The following FAM3B variants were observed in gnomAD, a reference collection of about 807,000 sequenced individuals.
The protein encoded by FAM3B is FAM3 metabolism regulating signaling molecule B.
In FAM3B, 29 loss-of-function variants were observed where a neutral mutation model predicts 28.4. The ratio of observed to expected loss-of-function variants is 1.02; its 90% CI spans 0.76 to 1.39. The LOEUF (loss-of-function observed/expected upper bound fraction) is 1.39. Among genes scored for constraint, FAM3B ranks in the 40% most tolerant of loss-of-function variants. FAM3B has a pLI of 0.00. For missense variants in FAM3B, 266 were observed against 293.9 expected (o/e 0.91, Z 0.69); for synonymous variants, 91 against 103.0 (o/e 0.88, Z 0.71).
chr21:41,344,059 G>T (rs117006037), intron 3 of FAM3B, among the ~76,000 whole-genome samples: 16,542 of 152,278 alleles, frequency 0.11, 1,113 homozygotes, highest in Non-Finnish European at 0.15. Context: ...GGCAGAGGTT[G>T]CAGTGAGCCA....
chr21:41,317,246 C>T (rs1336215734), intron 1 of FAM3B, among the ~76,000 whole-genome samples: 1 of 151,848 alleles, frequency 6.6e-6, no homozygotes, highest in African/African-American at 2.4e-5. Context: ...AGGCACAGCC[C>T]CGCACCCCCA....
intron 2 of FAM3B, among the ~76,000 whole-genome samples, chr21:41,330,361 A>G (rs903185210): frequency 6.6e-6 from 1 of 152,198 alleles, no homozygotes; most frequent in Non-Finnish European, 1.5e-5. Flanking sequence ...GCTGGTCCCA[A>G]GCATTTTGGA....
intron 4 of FAM3B, among the ~76,000 whole-genome samples, chr21:41,345,286 G>A (rs1362019033): frequency 6.8e-6 from 1 of 146,582 alleles, no homozygotes; most frequent in Non-Finnish European, 1.5e-5. Flanking sequence ...GAGGCGGGTG[G>A]GCCTGGCTGA....
intron 1 of FAM3B, among the ~76,000 whole-genome samples, chr21:41,321,417 T>C (rs2088804289): frequency 6.6e-6 from 1 of 152,184 alleles, no homozygotes; most frequent in African/African-American, 2.4e-5. Context: ...AGCACAACCG[T>C]TGGCGCAGCT....
chr21:41,345,054 G>C (rs2089043516), intron 4 of FAM3B, among the ~76,000 whole-genome samples: 2 of 152,382 alleles, frequency 1.3e-5, no homozygotes, highest in South Asian at 4.1e-4. Context: ...CTGTGAGTGA[G>C]TGGGCCGCAT....
intron 1 of FAM3B, chr21:41,304,457 C>T (rs1314535802): frequency 2.8e-6 from 1 of 359,812 alleles, no homozygotes; most frequent in Non-Finnish European, 5.4e-6. Flanking sequence ...CGTGCCCAGG[C>T]ACCTCCCGTT....
chr21:41,319,066 TA>T (rs942738563), intron 1 of FAM3B, among the ~76,000 whole-genome samples: 31 of 152,114 alleles, frequency 2.0e-4, no homozygotes, highest in African/African-American at 7.5e-4. Context: ...CTAATTTTTT[TA>T]AACTTTTTGT....
intron 1 of FAM3B, 177 bp from the exon 2 acceptor site, chr21:41,322,746 C>G: frequency 2.5e-6 from 2 of 803,736 alleles, no homozygotes; most frequent in South Asian, 2.9e-5. Flanking sequence ...ATACTGTCTA[C>G]TTCAAAGGTC....
At chr21:41,348,532 A>G in intron 6 of FAM3B, 60 bp from the exon 7 acceptor site, 3 of 1,604,252 alleles carry the variant, frequency 1.9e-6, no homozygotes, top group African/African-American at 1.3e-5. Flanking sequence ...TCCAGAGCAG[A>G]GTTCCTCTCC....
chr21:41,347,521 G>A (rs911036603), intron 6 of FAM3B, among the ~76,000 whole-genome samples: 2 of 152,134 alleles, frequency 1.3e-5, no homozygotes, highest in African/African-American at 2.4e-5. Context: ...TTGGGAGACC[G>A]AGGCAGGCGG....
chr21:41,311,349 C>T (rs1289733350), intron 1 of FAM3B, among the ~76,000 whole-genome samples: 2 of 132,104 alleles, frequency 1.5e-5, no homozygotes, highest in Non-Finnish European at 3.1e-5. Context: ...GTGATTCCAG[C>T]TACTCAGGAG....
chr21:41,317,911 G>A (rs1419363581), intron 1 of FAM3B, among the ~76,000 whole-genome samples: 1 of 152,124 alleles, frequency 6.6e-6, no homozygotes, highest in Non-Finnish European at 1.5e-5. Flanking sequence ...AACTATAAAT[G>A]ACACTGTTTT....
At chr21:41,316,984 C>A in intron 1 of FAM3B, 86 bp downstream of exon 1, 2 of 1,161,044 alleles carry the variant, frequency 1.7e-6, no homozygotes, top group South Asian at 3.5e-5. Flanking sequence ...CTGCCTGGGA[C>A]CCGCCACGCT....
chr21:41,350,189 T>A (rs936231882), intron 7 of FAM3B, among the ~76,000 whole-genome samples: 13 of 152,214 alleles, frequency 8.5e-5, no homozygotes, highest in Non-Finnish European at 1.6e-4. Flanking sequence ...CCAGCTTTCC[T>A]GCCTCCTCCA....
At chr21:41,354,553 A>G (rs747079457) in intron 7 of FAM3B, among the ~76,000 whole-genome samples, 2 of 152,228 alleles carry the variant, frequency 1.3e-5, no homozygotes, top group Non-Finnish European at 2.9e-5. Flanking sequence ...GCTGGAGGCC[A>G]TTATCCTTAG....
chr21:41,316,547 C>T (rs1310582404), upstream of FAM3B, among the ~76,000 whole-genome samples: 3 of 152,202 alleles, frequency 2.0e-5, no homozygotes, highest in Non-Finnish European at 4.4e-5. Flanking sequence ...GCGTCGTTTC[C>T]TCCCTTCAGA....
intron 2 of FAM3B, among the ~76,000 whole-genome samples, chr21:41,333,962 G>A (rs1159582465): frequency 6.6e-6 from 1 of 152,194 alleles, no homozygotes; most frequent in Non-Finnish European, 1.5e-5. Context: ...TTAGCAAAGA[G>A]CTTGGCTGCA....
intron 2 of FAM3B, among the ~76,000 whole-genome samples, chr21:41,334,864 C>T (rs761801116): frequency 1.6e-4 from 24 of 152,228 alleles, no homozygotes; most frequent in Non-Finnish European, 3.1e-4. Context: ...AGGGACTGAG[C>T]CTTGCAAAGC....
At chr21:41,328,167 A>G (rs2088870520) in intron 2 of FAM3B, among the ~76,000 whole-genome samples, 1 of 152,206 alleles carries the variant, frequency 6.6e-6, no homozygotes, top group Non-Finnish European at 1.5e-5. Context: ...GGAACAGGTC[A>G]CGTACACTAA....
Sources: allele counts gnomAD v4.1 joint callset (sites outside exome capture counted in the v4.1 genomes callset), GRCh38; gene constraint gnomAD v4.1.1; transcripts MANE v1.5; gene names NCBI Gene and HGNC (gene_info 2026-07-23, HGNC 2026-07-21).